The following PROZ variants were observed in gnomAD, a reference collection of about 807,000 sequenced individuals.
PROZ encodes protein Z, vitamin K dependent plasma glycoprotein.
A neutral mutation model predicts 34.9 loss-of-function variants in PROZ; 46 were observed. The observed-to-expected ratio is 1.32, with a 90% CI of 1.04 to 1.69. The LOEUF is 1.69. Among genes scored for constraint, PROZ ranks in the 40% most tolerant of loss-of-function variants. The probability of loss-of-function intolerance (pLI) is 0.00; values close to 1 mark genes in which losing one functional copy is unlikely to be tolerated. For synonymous variants in PROZ, 195 were observed against 208.5 expected, an observed-to-expected ratio of 0.94 and a Z score of 0.56; for missense variants, 530 against 520.4, an observed-to-expected ratio of 1.02 and a Z score of -0.18.
At chr13:113,163,235 TG>T in intron 4 of PROZ, 113 bp downstream of exon 4, 1 of 912,630 alleles carries the variant, frequency 1.1e-6, no homozygotes, top group South Asian at 1.4e-5. Context: ...AAGGTGCCTG[TG>T]TGAACCGCGA....
chr13:113,159,342 AT>A lies in PROZ; in HGVS notation c.70+613del. 1 of 1,404,688 alleles carries A rather than the reference AT, an allele frequency of 7.1e-7. No homozygotes were observed. Among genetic ancestry groups the A allele is most frequent in the Non-Finnish European group, 9.8e-7 (1 of 1,015,882 alleles). 87.0% of individuals were successfully genotyped at this position (1,404,688 alleles called of 1,614,324 possible). On this transcript the variant is annotated intron_variant, in intron 1 of 7. Transcript: ENST00000375547. This position sits in a 1 kb window ranked among gnomAD's most constrained non-coding sequence, Gnocchi z 4.6. The stretch of plus-strand genomic sequence containing the variant: ...CATGGTCTCCCACCCTGAGAGGGTG[AT>A]CCCCCCGCCCTGCCCTGCCCAGCAC...
chr13:113,167,242 AAAG>A lies in PROZ; in HGVS notation c.573+2123_573+2125del, dbSNP rs1295391117. ...TCTCGAACTTGGTTTTATCCCCTTT[AAAG>A]TGAGGATCTCACCCCTAGAGGTGCA... is the stretch of plus-strand genomic sequence containing the variant. On this transcript the variant is annotated intron_variant, in intron 6 of 7. Transcript: ENST00000375547. Among the ~76,000 whole-genome samples, 3 of 152,200 alleles carry A rather than the reference AAAG, an allele frequency of 2.0e-5. 1 individual carries two copies. The highest frequency in any genetic ancestry group is 7.2e-5 in the African/African-American group (3 of 41,460).
rs776957962 is a variant in PROZ at position 113,165,117 on chromosome 13, G to A, written c.570G>A (p.Trp190Ter). 1.2e-6 allele frequency: 2 copies of A among 1,611,196 alleles called. No individual in the cohort carries two copies. Among genetic ancestry groups the A allele is most frequent in the African/African-American group, 1.3e-5 (1 of 74,902 alleles). Residue 190 changes from tryptophan to a stop codon, truncating the protein, a stop_gained, in exon 6 of 8, where the codon TGG (tryptophan) becomes TGA (stop). Coordinates refer to ENST00000375547, the MANE Select transcript of PROZ (RefSeq NM_003891.3). LOFTEE classifies it high-confidence loss of function. ...KRAPDLQDLP[W>*]QVKLTNSEGK... ...CACCGGATCTACAGGACCTCCCGTG[G>A]CAGGTAACAGAGCGCTCTCCGCGTG...
intron 4 of PROZ, among the ~76,000 whole-genome samples, chr13:113,164,255 G>A (rs999499620): frequency 6.6e-6 from 1 of 152,092 alleles, no homozygotes; most frequent in Non-Finnish European, 1.5e-5. Flanking sequence ...TGGGATTACA[G>A]GCATGAGCCA....
intron 6 of PROZ, among the ~76,000 whole-genome samples, chr13:113,168,614 G>A (rs974213393): frequency 6.6e-6 from 1 of 152,190 alleles, no homozygotes; most frequent in African/African-American, 2.4e-5. Flanking sequence ...CCTCTATCAT[G>A]GATTTTGAAT....
In PROZ at chr13:113,158,649, C is replaced by A. The variant is rs1308436179; in HGVS notation, c.-12C>A. 3.1e-6 allele frequency: 5 copies of A among 1,599,366 alleles called. No individual in the cohort carries two copies. The East Asian group carries it at 1.1e-4, about 36-fold the overall frequency. On this transcript the variant is annotated 5_prime_UTR_variant, in exon 1 of 8. Transcript: ENST00000375547. This position sits in a 1 kb window ranked among gnomAD's most constrained non-coding sequence, Gnocchi z 4.3. The stretch of plus-strand genomic sequence containing the variant: ...CTGTGTTTGTAGCCCTGTCCCAGCG[C>A]TCCGGGTGGGAATGGCAGGCTGCGT...
chr13:113,169,818 T>C (rs1358664709), intron 6 of PROZ, among the ~76,000 whole-genome samples: 1 of 152,222 alleles, frequency 6.6e-6, no homozygotes, highest in Admixed American at 6.5e-5. Context: ...ATAATTAGTC[T>C]CCATGTACAC....
At position 113,160,061 on chromosome 13, in the gene PROZ, C is replaced by G; in HGVS notation, c.118C>G (p.Arg40Gly). The G allele has an allele frequency of 6.2e-7, 1 of 1,614,174 alleles. No individual in the cohort carries two copies. The highest frequency in any genetic ancestry group is 8.5e-7 in the Non-Finnish European group (1 of 1,180,026). ...KANDVLVRWK[R>G]AGSYLLEELF... is the part of the protein sequence containing the mutation. The stretch of plus-strand genomic sequence containing the variant: ...AAACGACGTTCTGGTGAGGTGGAAG[C>G]GTGCGGGCTCCTATCTTCTGGAAGA... Residue 40 changes from arginine (R) to glycine (G), a missense_variant, in exon 2 of 8, where the codon CGT (arginine) becomes GGT (glycine). Physicochemically the swap from Arg to Gly is moderately radical, Grantham distance 125. Transcript: ENST00000375547.
intron 6 of PROZ, among the ~76,000 whole-genome samples, chr13:113,170,064 C>T (rs572791237): frequency 2.6e-5 from 4 of 152,282 alleles, no homozygotes; most frequent in Admixed American, 1.3e-4. Flanking sequence ...TAGCTGAGAC[C>T]GTTGTTTCTT....
At position 113,159,259 on chromosome 13, in the gene PROZ, A is replaced by G. The variant is rs2138571263; in HGVS notation, c.70+529A>G. ...GACTCTGCCTGCACAGGCGTCCAGG[A>G]AAGCTGCAAGTCAAAACACCCAGCA... On this transcript the variant is annotated intron_variant, in intron 1 of 7. Coordinates refer to ENST00000375547, the MANE Select transcript of PROZ (RefSeq NM_003891.3). The surrounding 1 kb of genome is among the most constrained non-coding windows in gnomAD (Gnocchi z 4.6). The G allele has an allele frequency of 6.5e-7, 1 of 1,547,212 alleles. No individual in the cohort carries two copies. The highest frequency in any genetic ancestry group is 8.7e-7 in the Non-Finnish European group (1 of 1,143,766).
intron 4 of PROZ, 109 bp downstream of exon 4, chr13:113,163,231 C>A: frequency 1.1e-6 from 1 of 925,298 alleles, no homozygotes; most frequent in East Asian, 2.6e-5. Flanking sequence ...CATGAAGGTG[C>A]CTGTGTGAAC....
chr13:113,169,894 C>T (rs930199061), intron 6 of PROZ, among the ~76,000 whole-genome samples: 1 of 152,238 alleles, frequency 6.6e-6, no homozygotes, highest in Non-Finnish European at 1.5e-5. Flanking sequence ...CTCTACCAAG[C>T]TCTCTCCTCT....
At chr13:113,168,612 A>G (rs2037017048) in intron 6 of PROZ, among the ~76,000 whole-genome samples, 1 of 152,198 alleles carries the variant, frequency 6.6e-6, no homozygotes, top group African/African-American at 2.4e-5. Flanking sequence ...TTCCTCTATC[A>G]TGGATTTTGA....
chr13:113,163,568 C>G (rs925570664), intron 4 of PROZ, among the ~76,000 whole-genome samples: 2 of 152,218 alleles, frequency 1.3e-5, no homozygotes, highest in Non-Finnish European at 2.9e-5. Flanking sequence ...GCGTGCTCCG[C>G]TCTCAGCACC....
In PROZ at chr13:113,171,716, C is replaced by T. The variant is rs764492642; in HGVS notation, c.814C>T (p.Gln272Ter). Residue 272 changes from glutamine to a stop codon, truncating the protein, a stop_gained, in exon 8 of 8, where the codon CAG becomes TAG. Coordinates refer to ENST00000375547, the MANE Select transcript of PROZ (RefSeq NM_003891.3). LOFTEE classifies it low-confidence loss of function (END_TRUNC). The surrounding 1 kb of genome is among the most constrained non-coding windows in gnomAD (Gnocchi z 5.1). ...ACTGCTGGAGCTGGAGTGGCCCATC[C>T]AGTGCCCAGGTGCGGGGCTCCCCGT... ...LSLLELEWPIQCPGAGLPVCT... is the reference protein window; with the variant it reads ...LSLLELEWPI 7.4e-6 allele frequency: 12 copies of T among 1,613,092 alleles called. No homozygotes were observed. In the Admixed American group the frequency reaches 1.7e-4, roughly 22 times the overall value.
chr13:113,166,490 G>A (rs1382530235), intron 6 of PROZ: 1 of 152,166 alleles, frequency 6.6e-6, no homozygotes, highest in Non-Finnish European at 1.5e-5. Flanking sequence ...ACTCTTACAA[G>A]ACAGCTGTGC....
In PROZ at chr13:113,159,699, GCCTT is replaced by G. The variant is rs2036727479; in HGVS notation, c.71-309_71-306del. On this transcript the variant is annotated intron_variant, in intron 1 of 7. Coordinates refer to ENST00000375547, the MANE Select transcript of PROZ (RefSeq NM_003891.3). This position sits in a 1 kb window ranked among gnomAD's most constrained non-coding sequence, Gnocchi z 4.6. Reference sequence around the variant, plus strand: ...TACGGGGACCTTTGACCCCAGCTCAGCCTTCCTTCGCACTCAGACCCAAAACCCA... The same window carrying G: ...TACGGGGACCTTTGACCCCAGCTCAGCCTTCGCACTCAGACCCAAAACCCA... Among the ~76,000 whole-genome samples, 3 of 152,358 alleles carry G rather than the reference GCCTT, an allele frequency of 2.0e-5. No homozygotes were observed. In the South Asian group the frequency reaches 6.2e-4, roughly 32 times the overall value.
rs1265697274 is a variant in PROZ, at chr13:113,160,949, A to G, written c.236A>G (p.Asp79Gly). The G allele has an allele frequency of 1.1e-5, 17 of 1,603,950 alleles. No homozygotes were observed. Among genetic ancestry groups the G allele is most frequent in the Non-Finnish European group, 1.4e-5 (16 of 1,171,162 alleles). Residue 79 changes from aspartate (D) to glycine (G), a missense_variant and splice_region_variant, in exon 3 of 8, where the codon GAT becomes GGT. Transcript: ENST00000375547. ...REVFENEVVTDEFWRRYKGGS... is the reference protein window; with the variant it reads ...REVFENEVVTGEFWRRYKGGS... ...CATTTTTATGTTTTAACTCTAAAGG[A>G]TGAATTCTGGAGACGATATAAGGGT...
intron 5 of PROZ, 61 bp downstream of exon 5, chr13:113,164,705 C>T: frequency 6.2e-7 from 1 of 1,603,418 alleles, no homozygotes; most frequent in South Asian, 1.1e-5. Context: ...TCCACATCCT[C>T]CTTCCTTCTG....
Sources: allele counts gnomAD v4.1 joint callset (sites outside exome capture counted in the v4.1 genomes callset), GRCh38; gene constraint gnomAD v4.1.1; non-coding constraint Gnocchi (gnomAD v3.1); transcripts MANE v1.5; gene names NCBI Gene and HGNC (gene_info 2026-07-23, HGNC 2026-07-21).